The following FOCAD variants were observed in gnomAD, a reference collection of about 807,000 sequenced individuals.
FOCAD encodes the protein KIAA1797.
Under a neutral mutation model 225.6 loss-of-function variants are expected in FOCAD, and 198 were observed. That is an observed-to-expected ratio of 0.88 (90% CI 0.78 to 0.99). The LOEUF (loss-of-function observed/expected upper bound fraction) is 0.99. Among genes scored for constraint, FOCAD ranks in the 50% least tolerant of loss-of-function variants. The pLI is 0.00. For synonymous variants in FOCAD, 897 were observed against 755.0 expected, an observed-to-expected ratio of 1.19 and a Z score of -3.08; for missense variants, 2,713 against 2,123.6, an observed-to-expected ratio of 1.28 and a Z score of -5.46.
chr9:20,925,416 C>G (rs974267940), intron 25 of FOCAD, among the ~76,000 whole-genome samples: 8 of 152,188 alleles, frequency 5.3e-5, no homozygotes, highest in African/African-American at 1.9e-4. Flanking sequence ...CCCCAACACA[C>G]CCCAACACAC....
intron 32 of FOCAD, among the ~76,000 whole-genome samples, chr9:20,949,321 A>T (rs1344004913): frequency 6.6e-6 from 1 of 152,182 alleles, no homozygotes. Flanking sequence ...GGACATATAT[A>T]TGTGTAAGTT....
intron 14 of FOCAD, among the ~76,000 whole-genome samples, chr9:20,821,980 T>A (rs1824367348): frequency 1.3e-5 from 1 of 75,226 alleles, no homozygotes; most frequent in Non-Finnish European, 2.4e-5. Context: ...AAAAATGACC[T>A]CAATGTAAAA....
chr9:20,796,176 G>A (rs1004773428), intron 11 of FOCAD, among the ~76,000 whole-genome samples: 1 of 152,092 alleles, frequency 6.6e-6, no homozygotes, highest in African/African-American at 2.4e-5. Flanking sequence ...AGTATTCCAT[G>A]GTATATATGT....
chr9:20,973,685 G>T (rs10964777), intron 35 of FOCAD, among the ~76,000 whole-genome samples: 28 of 131,906 alleles, frequency 2.1e-4, no homozygotes, highest in Non-Finnish European at 2.9e-4. Flanking sequence ...CTGTTTTCAC[G>T]TTTGCTGACT....
At position 20,771,867 on chromosome 9, in the gene FOCAD, G is replaced by C. The variant is rs1587104434; in HGVS notation, c.906+1629G>C. 3.9e-5 allele frequency among the ~76,000 whole-genome samples: 6 copies of C among 152,224 alleles called. No homozygotes were observed. In the South Asian group the frequency reaches 1.2e-3, roughly 32 times the overall value. On this transcript the variant is annotated intron_variant, in intron 8 of 43. Coordinates refer to ENST00000338382, the MANE Select transcript of FOCAD (RefSeq NM_001375567.1). Reference sequence around the variant, plus strand: ...TGATGAGGACTCTTAATGGCTTGCAGCTGGCTTTCCTCGCATGATAGGGAG... The same window carrying C: ...TGATGAGGACTCTTAATGGCTTGCACCTGGCTTTCCTCGCATGATAGGGAG...
At chr9:20,937,842 C>CTAAT (rs1836158156) in intron 28 of FOCAD, among the ~76,000 whole-genome samples, 3 of 152,124 alleles carry the variant, frequency 2.0e-5, no homozygotes, top group Admixed American at 2.0e-4. Context: ...TGACAAAAGG[C>CTAAT]TAATATCCAG....
chr9:20,730,256 C>G (rs140854488), intron 4 of FOCAD, among the ~76,000 whole-genome samples: 22 of 152,220 alleles, frequency 1.4e-4, no homozygotes, highest in African/African-American at 5.1e-4. Flanking sequence ...TTAGGGATTT[C>G]AAATGGTGAC....
chr9:20,951,293 A>T (rs564335739), intron 34 of FOCAD, among the ~76,000 whole-genome samples, 195 bp downstream of exon 34: 6 of 152,152 alleles, frequency 3.9e-5, no homozygotes, highest in Non-Finnish European at 7.4e-5. Flanking sequence ...TAAGTGATGG[A>T]CATGTGGTTT....
intron 1 of FOCAD, among the ~76,000 whole-genome samples, chr9:20,699,051 T>G (rs1264280238): frequency 6.6e-6 from 1 of 152,170 alleles, no homozygotes; most frequent in Non-Finnish European, 1.5e-5. Context: ...GACTTTCAGC[T>G]TCATGGTGCT....
Position 20,739,558 on chromosome 9 carries a change from G to A in FOCAD, c.288-678G>A, listed in dbSNP as rs570625450. ...ATGGAGGTTGCAGTGAGCCGAGATCGTGCCATTGAACTACAGGCTGGGCAA... is the reference window on the plus strand; with the variant it reads ...ATGGAGGTTGCAGTGAGCCGAGATCATGCCATTGAACTACAGGCTGGGCAA... On this transcript the variant is annotated intron_variant, in intron 4 of 43. Coordinates refer to ENST00000338382, the MANE Select transcript of FOCAD (RefSeq NM_001375567.1). 4.6e-5 allele frequency among the ~76,000 whole-genome samples: 7 copies of A among 151,436 alleles called. No individual in the cohort carries two copies. In the East Asian group the frequency reaches 5.8e-4, roughly 13 times the overall value.
intron 1 of FOCAD, among the ~76,000 whole-genome samples, chr9:20,714,499 G>T (rs1419922834): frequency 6.6e-6 from 1 of 152,038 alleles, no homozygotes; most frequent in Admixed American, 6.6e-5. Flanking sequence ...GTAATTGGTA[G>T]GTTCAGTGCT....
intron 28 of FOCAD, among the ~76,000 whole-genome samples, chr9:20,942,611 C>A (rs1836781994): frequency 1.3e-5 from 2 of 152,136 alleles, no homozygotes; most frequent in Non-Finnish European, 2.9e-5. Flanking sequence ...CTCTGTAGAT[C>A]TTCTCTCTAC....
intron 1 of FOCAD, among the ~76,000 whole-genome samples, chr9:20,713,227 C>A (rs1825015862): frequency 6.6e-6 from 1 of 152,204 alleles, no homozygotes; most frequent in Non-Finnish European, 1.5e-5. Context: ...TATGACCTGG[C>A]TTCTCATTGA....
intron 16 of FOCAD, among the ~76,000 whole-genome samples, chr9:20,864,184 A>G (rs750565922): frequency 5.9e-4 from 89 of 152,132 alleles, no homozygotes; most frequent in Middle Eastern, 6.8e-3. Flanking sequence ...TTTTTTAACT[A>G]CTTAGAATTT....
intron 15 of FOCAD, among the ~76,000 whole-genome samples, chr9:20,841,413 A>G (rs1164594220): frequency 2.6e-5 from 4 of 151,602 alleles, no homozygotes; most frequent in Non-Finnish European, 5.9e-5. Flanking sequence ...TTTTGATGGA[A>G]GACTTTATTT....
intron 19 of FOCAD, among the ~76,000 whole-genome samples, chr9:20,879,783 T>C (rs1830517856): frequency 6.6e-6 from 1 of 152,190 alleles, no homozygotes. Context: ...TCCTGGCATC[T>C]TATCCTCATT....
chr9:20,779,520 G>A (rs1180855250), intron 9 of FOCAD, among the ~76,000 whole-genome samples: 1 of 152,206 alleles, frequency 6.6e-6, no homozygotes, highest in East Asian at 1.9e-4. Context: ...GCCGAAGTGG[G>A]TGGACCACCT....
At chr9:20,981,138 T>G (rs1309238632) in intron 37 of FOCAD, among the ~76,000 whole-genome samples, 3 of 152,208 alleles carry the variant, frequency 2.0e-5, no homozygotes, top group Non-Finnish European at 4.4e-5. Context: ...TTCCCGTCAC[T>G]GAAACCTTGA....
chr9:20,984,555 G>A (rs1840983230), intron 39 of FOCAD, among the ~76,000 whole-genome samples: 1 of 152,162 alleles, frequency 6.6e-6, no homozygotes. Flanking sequence ...AGTGAGAAAA[G>A]TGGCATTGTT....
Sources: allele counts gnomAD v4.1 joint callset (sites outside exome capture counted in the v4.1 genomes callset), GRCh38; gene constraint gnomAD v4.1.1; transcripts MANE v1.5; gene names NCBI Gene and HGNC (gene_info 2026-07-23, HGNC 2026-07-21).